Variants in LRRTM4 observed in about 807,000 individuals in gnomAD.
LRRTM4 encodes leucine rich repeat transmembrane neuronal 4, also known as leucine-rich repeat transmembrane neuronal protein 4.
A neutral mutation model predicts 47.6 loss-of-function variants in LRRTM4; 25 were observed. The observed-to-expected ratio is 0.53, with a 90% CI of 0.38 to 0.73. The LOEUF (loss-of-function observed/expected upper bound fraction) is 0.73, where lower values mean the gene tolerates loss of function less well. Among genes scored for constraint, LRRTM4 ranks in the 30% least tolerant of loss-of-function variants. The pLI, the probability that LRRTM4 is intolerant of heterozygous loss-of-function variation, is 0.00. For synonymous variants in LRRTM4, 311 were observed against 269.5 expected, an observed-to-expected ratio of 1.15 and a Z score of -1.51; for missense variants, 638 against 713.4, an observed-to-expected ratio of 0.89 and a Z score of 1.20.
At chr2:77,136,847 G>A (rs570155048) in intron 3 of LRRTM4, among the ~76,000 whole-genome samples, 4 of 152,058 alleles carry the variant, frequency 2.6e-5, no homozygotes, top group South Asian at 2.1e-4. Flanking sequence ...TTCAGTAGCC[G>A]ATTCGATCAA....
chr2:77,361,415 G>GC (rs1672205564), intron 3 of LRRTM4, among the ~76,000 whole-genome samples: 4 of 151,884 alleles, frequency 2.6e-5, no homozygotes, highest in African/African-American at 9.7e-5. Flanking sequence ...CTAAGACATT[G>GC]TGCTATTTTG....
intron 3 of LRRTM4, among the ~76,000 whole-genome samples, chr2:76,898,006 C>T (rs1673480693): frequency 6.6e-6 from 1 of 152,070 alleles, no homozygotes; most frequent in African/African-American, 2.4e-5. Flanking sequence ...AACTGCAGTC[C>T]TAACAGGATG....
intron 3 of LRRTM4, among the ~76,000 whole-genome samples, chr2:77,306,724 C>CTGT (rs2104179874): frequency 6.6e-6 from 1 of 151,744 alleles, no homozygotes; most frequent in African/African-American, 2.4e-5. Flanking sequence ...TTCAAATATG[C>CTGT]TGTTTTTCCT....
At chr2:76,790,765 C>G (rs935785194) in intron 3 of LRRTM4, among the ~76,000 whole-genome samples, 1 of 151,168 alleles carries the variant, frequency 6.6e-6, no homozygotes, top group African/African-American at 2.4e-5. Flanking sequence ...TGATGTAAAT[C>G]TACTCTTTGA....
intron 3 of LRRTM4, among the ~76,000 whole-genome samples, chr2:76,772,291 C>A (rs1016577000): frequency 7.2e-5 from 11 of 152,168 alleles, no homozygotes; most frequent in Admixed American, 5.9e-4. Flanking sequence ...TCTTGAACTT[C>A]CCAGGCTCCA....
intron 3 of LRRTM4, among the ~76,000 whole-genome samples, chr2:77,210,609 T>C (rs4508625): frequency 6.6e-6 from 1 of 152,094 alleles, no homozygotes; most frequent in Admixed American, 6.6e-5. Context: ...GCCATCACCG[T>C]GGGCCAAACA....
chr2:76,984,190 T>C (rs1676713183), intron 3 of LRRTM4, among the ~76,000 whole-genome samples: 1 of 152,072 alleles, frequency 6.6e-6, no homozygotes, highest in Non-Finnish European at 1.5e-5. Flanking sequence ...TAAGATACTG[T>C]GATACACATA....
chr2:77,415,552 A>G (rs1367773085), intron 3 of LRRTM4, among the ~76,000 whole-genome samples: 2 of 152,200 alleles, frequency 1.3e-5, no homozygotes, highest in Non-Finnish European at 1.5e-5. Context: ...TCTGGACTCT[A>G]TGGAAACTTT....
chr2:77,097,379 G>T (rs75721965), intron 3 of LRRTM4, among the ~76,000 whole-genome samples: 1 of 151,838 alleles, frequency 6.6e-6, no homozygotes, highest in African/African-American at 2.4e-5. Context: ...CTTACTTGGG[G>T]ATATTTACAA....
At chr2:77,259,765 G>C (rs577711724) in intron 3 of LRRTM4, among the ~76,000 whole-genome samples, 2 of 151,942 alleles carry the variant, frequency 1.3e-5, no homozygotes, top group South Asian at 2.1e-4. Context: ...CAATACAGAG[G>C]ATATATCATA....
intron 3 of LRRTM4, among the ~76,000 whole-genome samples, chr2:76,810,115 A>G (rs1670689945): frequency 6.6e-6 from 1 of 152,192 alleles, no homozygotes; most frequent in African/African-American, 2.4e-5. Context: ...AGACAGAGAT[A>G]TTTTCAGTTT....
At chr2:76,934,561 C>T (rs1674877520) in intron 3 of LRRTM4, among the ~76,000 whole-genome samples, 2 of 152,070 alleles carry the variant, frequency 1.3e-5, no homozygotes, top group Admixed American at 1.3e-4. Flanking sequence ...ATTTAAAAAG[C>T]CCTGATCTAT....
rs765681974 is a variant in LRRTM4 at position 77,518,535 on chromosome 2, A to G, written c.1334T>C (p.Val445Ala). 12 of 1,613,310 alleles carry G rather than the reference A, an allele frequency of 7.4e-6. No individual in the cohort carries two copies. The highest frequency in any genetic ancestry group is 4.0e-5 in the African/African-American group (3 of 74,874). The change falls in exon 3 of 4, where the codon GTG becomes GCG. Residue 445 changes from valine (V) to alanine (A), a missense_variant. Physicochemically the swap from Val to Ala is moderately conservative, Grantham distance 64. Coordinates refer to ENST00000409884, the MANE Select transcript of LRRTM4 (RefSeq NM_001134745.3). Reference protein sequence around the residue: ...SVAMILLVIYVSWKRYPASMK... With the variant: ...SVAMILLVIYASWKRYPASMK... ...GCTGGCTGGGTAGCGTTTCCAAGAC[A>G]CATAGATCACCAAGAGGATCATGGC... is the stretch of plus-strand genomic sequence containing the variant.
At chr2:76,919,414 T>A (rs941648706) in intron 3 of LRRTM4, among the ~76,000 whole-genome samples, 4 of 152,184 alleles carry the variant, frequency 2.6e-5, no homozygotes, top group African/African-American at 9.6e-5. Context: ...AGCTCAGAGT[T>A]CATCTTCCAG....
rs570883804 is a variant in LRRTM4, at chr2:77,473,387, A to G, written c.1551+44931T>C. Among the ~76,000 whole-genome samples the G allele has an allele frequency of 5.3e-5, 8 of 152,310 alleles. No individual in the cohort carries two copies. The East Asian group carries it at 1.3e-3, about 26-fold the overall frequency. On this transcript the variant is annotated intron_variant, in intron 3 of 3. Coordinates refer to ENST00000409884, the MANE Select transcript of LRRTM4 (RefSeq NM_001134745.3). ...CAAGAAACCATGTGAAATCAAAGAC[A>G]TACACACAAATTAATATCACTCAGG...
intron 3 of LRRTM4, among the ~76,000 whole-genome samples, chr2:76,915,023 GCA>G (rs548260372): frequency 5.8e-4 from 88 of 152,292 alleles, no homozygotes; most frequent in South Asian, 1.7e-3. Flanking sequence ...GCCGAATCAG[GCA>G]AAGAGTGCCA....
intron 3 of LRRTM4, among the ~76,000 whole-genome samples, chr2:77,145,761 G>A (rs950217108): frequency 1.5e-5 from 2 of 137,272 alleles, no homozygotes; most frequent in South Asian, 2.1e-4. Context: ...GTGACAAAGC[G>A]AGGCTCCGTC....
intron 3 of LRRTM4, among the ~76,000 whole-genome samples, chr2:76,987,083 G>C (rs1452583171): frequency 6.6e-6 from 1 of 151,876 alleles, no homozygotes; most frequent in African/African-American, 2.4e-5. Flanking sequence ...TTCGAAGAAT[G>C]ATATGGGTTA....
At position 77,441,786 on chromosome 2, in the gene LRRTM4, C is replaced by T. The variant is rs190065298; in HGVS notation, c.1551+76532G>A. 5.8e-3 allele frequency among the ~76,000 whole-genome samples: 880 copies of T among 152,192 alleles called. 12 individuals are homozygous for T. Among genetic ancestry groups the T allele is most frequent in the African/African-American group, 0.02 (840 of 41,520 alleles). ...AGACATAGTTTTCCTTGCTTGAATACGTGTAAACTTGTTATTTCTGCTGGC... is the reference window on the plus strand; with the variant it reads ...AGACATAGTTTTCCTTGCTTGAATATGTGTAAACTTGTTATTTCTGCTGGC... On this transcript the variant is annotated intron_variant, in intron 3 of 3. Transcript: ENST00000409884.
Sources: allele counts gnomAD v4.1 joint callset (sites outside exome capture counted in the v4.1 genomes callset), GRCh38; gene constraint gnomAD v4.1.1; transcripts MANE v1.5; gene names NCBI Gene and HGNC (gene_info 2026-07-23, HGNC 2026-07-21).